The following CKM variants were observed in gnomAD, a reference collection of about 807,000 sequenced individuals.
The protein encoded by CKM is creatine kinase M-type.
In CKM, 28 loss-of-function variants were observed where a neutral mutation model predicts 35.4. That is an observed-to-expected ratio of 0.79 (90% CI 0.59 to 1.08). CKM has a LOEUF of 1.08. CKM is among the 50% of genes least tolerant of loss of function. CKM has a pLI of 0.00. For synonymous variants in CKM, 215 were observed against 204.4 expected (o/e 1.05, Z -0.44); for missense variants, 484 against 509.8 (o/e 0.95, Z 0.49).
At chr19:45,309,007 C>G (rs1307255679) in intron 5 of CKM, among the ~76,000 whole-genome samples, 1 of 144,934 alleles carries the variant, frequency 6.9e-6, no homozygotes, top group African/African-American at 2.6e-5. Context: ...GCGGGCGGAT[C>G]ACAAGGTCAG....
intron 3 of CKM, among the ~76,000 whole-genome samples, chr19:45,315,869 G>T (rs1971153578): frequency 2.2e-5 from 1 of 45,770 alleles, no homozygotes; most frequent in Admixed American, 1.5e-4. Context: ...TTCGAGACAG[G>T]GTCTCTCTCT....
chr19:45,307,408 C>A (rs995666139), intron 7 of CKM, 53 bp downstream of exon 7: 3 of 1,567,122 alleles, frequency 1.9e-6, no homozygotes, highest in Non-Finnish European at 2.6e-6. Context: ...TGCATCCCTG[C>A]AAAGGGCCCT....
chr19:45,308,029 AATTT>A (rs1372520438), intron 6 of CKM, among the ~76,000 whole-genome samples: 5 of 151,636 alleles, frequency 3.3e-5, no homozygotes, highest in South Asian at 2.1e-4. Context: ...ACGCCTGGAT[AATTT>A]ATTTATTTAT....
rs112676432 is a variant in CKM, at chr19:45,318,863, C to CT, written c.193+657dup. 5.7e-3 allele frequency among the ~76,000 whole-genome samples: 802 copies of CT among 141,860 alleles called. 6 individuals are homozygous for CT. Among genetic ancestry groups the CT allele is most frequent in the South Asian group, 0.014 (63 of 4,454 alleles). The allele number at this position is 141,860 out of a possible 152,430, so 93.1% of individuals were successfully genotyped here. A position where few individuals can be genotyped will look rare whatever the true frequency, so the allele number is the denominator to read the frequency against. On this transcript the variant is annotated intron_variant, in intron 2 of 7. Coordinates refer to ENST00000221476, the MANE Select transcript of CKM (RefSeq NM_001824.5). ...CATTAATAACATCCCCTGTCAGATT[C>CT]TTTTTTTTTTTTTTTGAGACAGGGT...
chr19:45,306,829 C>T lies in CKM; in HGVS notation c.1067G>A (p.Gly356Asp), dbSNP rs769563289. 4 of 1,614,212 alleles carry T rather than the reference C, an allele frequency of 2.5e-6. No homozygotes were observed. The Admixed American group carries it at 6.7e-5, about 27-fold the overall frequency. Residue 356 changes from glycine (G) to aspartate (D), a missense_variant, in exon 8 of 8, where the codon GGT becomes GAT. Physicochemically the swap from Gly to Asp is moderately conservative, Grantham distance 94. Coordinates refer to ENST00000221476, the MANE Select transcript of CKM (RefSeq NM_001824.5). This position sits in a 1 kb window ranked among gnomAD's most constrained non-coding sequence, Gnocchi z 4.5. ...EVEQVQLVVD[G>D]VKLMVEMEKK... is the part of the protein sequence containing the mutation. Reference sequence around the variant, plus strand: ...CTCCATTTCCACCATGAGCTTCACACCATCCACCACCAGCTGCACCTGTTC... The same window carrying T: ...CTCCATTTCCACCATGAGCTTCACATCATCCACCACCAGCTGCACCTGTTC...
chr19:45,321,076 G>GTTTTTTTTTTTTTTTTTTTTTT (rs1180664675), intron 1 of CKM, among the ~76,000 whole-genome samples: 1 of 130,936 alleles, frequency 7.6e-6, no homozygotes, highest in Non-Finnish European at 1.7e-5. Context: ...TTTTTTTTTG[G>GTTTTTTTTTTTTTTTTTTTTTT]TATTTTTAGT....
rs1269630517 is a variant in CKM at position 45,311,783 on chromosome 19, T to C, written c.619A>G (p.Met207Val). The C allele has an allele frequency of 6.2e-7, 1 of 1,603,778 alleles. No homozygotes were observed. The highest frequency in any genetic ancestry group is 1.1e-5 in the South Asian group (1 of 89,758). Residue 207 changes from methionine (M) to valine (V), a missense_variant, in exon 5 of 8, where the codon ATG (methionine) becomes GTG (valine). Coordinates refer to ENST00000221476, the MANE Select transcript of CKM (RefSeq NM_001824.5). ...CGGGCGTCGGGCCAGTCGCGGGCCA[T>C]GCCTGAGGCCAGCAGCAGCGGGGAC... ...PVSPLLLASG[M>V]ARDWPDARGI...
chr19:45,306,560 G>T lies in CKM; in HGVS notation c.*190C>A. 1 of 628,408 alleles carries T rather than the reference G, an allele frequency of 1.6e-6. No homozygotes were observed. The highest frequency in any genetic ancestry group is 2.8e-6 in the Non-Finnish European group (1 of 355,894). 38.9% of individuals were successfully genotyped at this position (628,408 alleles called of 1,614,324 possible). On this transcript the variant is annotated 3_prime_UTR_variant, in exon 8 of 8. Transcript: ENST00000221476. This position sits in a 1 kb window ranked among gnomAD's most constrained non-coding sequence, Gnocchi z 4.5. The stretch of plus-strand genomic sequence containing the variant: ...ACCCTGCCAGGGAGATATTTCATTG[G>T]CCAGAATCCAGAGGATGGAGCCCAT...
intron 1 of CKM, among the ~76,000 whole-genome samples, chr19:45,319,995 T>C (rs1020378923): frequency 6.6e-6 from 1 of 151,768 alleles, no homozygotes; most frequent in African/African-American, 2.4e-5. Flanking sequence ...TTCACCATGT[T>C]AGCCAGGATA....
At chr19:45,317,411 C>T (rs1440642796) in intron 3 of CKM, among the ~76,000 whole-genome samples, 1 of 152,186 alleles carries the variant, frequency 6.6e-6, no homozygotes, top group Non-Finnish European at 1.5e-5. Context: ...CCTCAGCCTC[C>T]CACGTAGCTG....
intron 5 of CKM, among the ~76,000 whole-genome samples, chr19:45,310,366 C>T (rs1272175779): frequency 2.6e-5 from 4 of 151,640 alleles, no homozygotes; most frequent in Non-Finnish European, 4.4e-5. Context: ...GTGATCCGCC[C>T]GCCTTGGCCT....
At position 45,306,875 on chromosome 19, in the gene CKM, G is replaced by A. The variant is rs1360056661; in HGVS notation, c.1021C>T (p.Arg341Trp). ...TGTTCTACTTCGGACGAGCCCAGCCGATCAGCGTTGGACACGTCAAATACT... is the reference window on the plus strand; with the variant it reads ...TGTTCTACTTCGGACGAGCCCAGCCAATCAGCGTTGGACACGTCAAATACT... ...GSVFDVSNAD[R>W]LGSSEVEQVQ... is the part of the protein sequence containing the mutation. The change falls in exon 8 of 8, where the codon CGG (arginine) becomes TGG (tryptophan). Residue 341 changes from arginine (R) to tryptophan (W), a missense_variant. Arg to Trp is a moderately radical substitution (Grantham distance 101, BLOSUM62 -3). Transcript: ENST00000221476. The surrounding 1 kb of genome is among the most constrained non-coding windows in gnomAD (Gnocchi z 4.5). 3.1e-6 allele frequency: 5 copies of A among 1,614,048 alleles called. No individual in the cohort carries two copies. Among genetic ancestry groups the A allele is most frequent in the African/African-American group, 1.3e-5 (1 of 74,932 alleles).
At position 45,314,917 on chromosome 19, in the gene CKM, G is replaced by T. The variant is rs935343372; in HGVS notation, c.481+548C>A. Reference sequence around the variant, plus strand: ...TGTAGAGACAGGGTCTTGCTGTATTGCCCAGTCTGGTCTTGAACTCCTGGG... The same window carrying T: ...TGTAGAGACAGGGTCTTGCTGTATTTCCCAGTCTGGTCTTGAACTCCTGGG... On this transcript the variant is annotated intron_variant, in intron 4 of 7. Coordinates refer to ENST00000221476, the MANE Select transcript of CKM (RefSeq NM_001824.5). 4.6e-5 allele frequency among the ~76,000 whole-genome samples: 7 copies of T among 151,856 alleles called. No individual in the cohort carries two copies. In the East Asian group the frequency reaches 1.4e-3, roughly 29 times the overall value.
chr19:45,315,835 G>A (rs1302724210), intron 3 of CKM, among the ~76,000 whole-genome samples: 2 of 111,738 alleles, frequency 1.8e-5, no homozygotes, highest in Non-Finnish European at 4.2e-5. Flanking sequence ...CCCCATCTTC[G>A]TATATTTCTT....
intron 2 of CKM, 139 bp downstream of exon 2, chr19:45,319,382 A>G: frequency 1.5e-6 from 1 of 684,148 alleles, no homozygotes; most frequent in Non-Finnish European, 2.6e-6. Context: ...ATATTAATGC[A>G]TTGATTCCCA....
In CKM at chr19:45,317,972, G is replaced by A. The variant is rs571181525; in HGVS notation, c.201C>T (p.Pro67=). The A allele has an allele frequency of 1.1e-5, 18 of 1,613,960 alleles. No individual in the cohort carries two copies. In the African/African-American group the frequency reaches 1.9e-4, roughly 17 times the overall value. Residue 67 remains proline, a synonymous_variant, in exon 3 of 8, where the codon CCC becomes CCT. Transcript: ENST00000221476. ...IQTGVDNPGH[P]FIMTVGCVAG... ...CCACGCAGCCCACGGTCATGATGAAGGGGTGACCTGGAGGGGTGGGGGTGA... is the reference window on the plus strand; with the variant it reads ...CCACGCAGCCCACGGTCATGATGAAAGGGTGACCTGGAGGGGTGGGGGTGA...
chr19:45,317,286 T>A (rs113868242), intron 3 of CKM, among the ~76,000 whole-genome samples: 35 of 152,066 alleles, frequency 2.3e-4, no homozygotes, highest in South Asian at 4.2e-4. Flanking sequence ...TTATTTTATT[T>A]ATTTATTTAT....
At chr19:45,311,402 T>G (rs1242110282) in intron 5 of CKM, among the ~76,000 whole-genome samples, 2 of 151,908 alleles carry the variant, frequency 1.3e-5, no homozygotes, top group Non-Finnish European at 2.9e-5. Flanking sequence ...CCCAGCTAAA[T>G]TTTTGTCATT....
At chr19:45,311,103 C>T (rs1486260692) in intron 5 of CKM, among the ~76,000 whole-genome samples, 1 of 147,076 alleles carries the variant, frequency 6.8e-6, no homozygotes, top group Non-Finnish European at 1.5e-5. Flanking sequence ...ATTTTTGTAG[C>T]GACGTGGTCT....
Sources: gnomAD v4.1 joint callset for allele counts (sites outside exome capture counted in the v4.1 genomes callset) on GRCh38, gnomAD v4.1.1 for gene constraint, Gnocchi (gnomAD v3.1) non-coding constraint, MANE v1.5 for transcripts, NCBI Gene and HGNC (gene_info 2026-07-23, HGNC 2026-07-21) for gene names.